Variants in RAB27B observed in about 807,000 individuals in gnomAD.
The protein encoded by RAB27B is RAB27B, member RAS oncogene family.
Under a neutral mutation model 24.6 loss-of-function variants are expected in RAB27B, and 15 were observed. The ratio of observed to expected loss-of-function variants is 0.61; its 90% CI spans 0.41 to 0.94. RAB27B has a LOEUF of 0.94. Ranked by LOEUF, RAB27B falls within the 40% of genes least tolerant of loss-of-function variation. RAB27B has a pLI of 0.00. For missense variants in RAB27B, 261 were observed against 266.8 expected, an observed-to-expected ratio of 0.98 and a Z score of 0.15; for synonymous variants, 105 against 92.5, an observed-to-expected ratio of 1.14 and a Z score of -0.78.
chr18:54,804,307 T>A (rs977707208), intron 2 of RAB27B, among the ~76,000 whole-genome samples: 5 of 152,174 alleles, frequency 3.3e-5, no homozygotes, highest in Admixed American at 2.0e-4. Context: ...AATTCCCACA[T>A]GTTGGTCAGG....
At chr18:54,814,183 G>A (rs1910052714) in intron 2 of RAB27B, among the ~76,000 whole-genome samples, 1 of 152,148 alleles carries the variant, frequency 6.6e-6, no homozygotes, top group African/African-American at 2.4e-5. Flanking sequence ...AACTCTCTCT[G>A]TAAAGGGCCA....
Position 54,839,952 on chromosome 18 carries a change from A to G in RAB27B, c.-20+11252A>G, listed in dbSNP as rs571120453. ...TATAAATAATAGTTGCTTTGTCATG[A>G]CACCTTATTAAGGAAGAAACAAAAG... On this transcript the variant is annotated intron_variant, in intron 1 of 5. Coordinates refer to ENST00000262094, the MANE Select transcript of RAB27B (RefSeq NM_004163.4). Among the ~76,000 whole-genome samples the G allele has an allele frequency of 2.6e-5, 4 of 152,308 alleles. No individual in the cohort carries two copies. The South Asian group carries it at 8.3e-4, about 32-fold the overall frequency.
intron 2 of RAB27B, among the ~76,000 whole-genome samples, chr18:54,722,625 A>G (rs1490518252): frequency 1.3e-5 from 2 of 152,162 alleles, no homozygotes; most frequent in Non-Finnish European, 2.9e-5. Flanking sequence ...AAATTTATGG[A>G]TAAAGAAGGT....
chr18:54,807,263 T>A (rs2145141992), intron 2 of RAB27B, among the ~76,000 whole-genome samples: 1 of 152,322 alleles, frequency 6.6e-6, no homozygotes. Context: ...CCTTTAGTTT[T>A]AATTTCAGTA....
chr18:54,866,944 A>G (rs891387046), intron 1 of RAB27B, among the ~76,000 whole-genome samples: 2 of 152,188 alleles, frequency 1.3e-5, no homozygotes, highest in African/African-American at 4.8e-5. Context: ...TCAGTGAAAC[A>G]GTCCTTCATC....
rs1913523914 is a variant in RAB27B, at chr18:54,895,261, A to G, written c.*5848A>G. 6.6e-6 allele frequency: 1 copy of G among 151,922 alleles called. No individual in the cohort carries two copies. The highest frequency in any genetic ancestry group is 1.5e-5 in the Non-Finnish European group (1 of 67,966). The allele number at this position is 151,922 out of a possible 1,614,324, so 9.4% of individuals were successfully genotyped here. On this transcript the variant is annotated 3_prime_UTR_variant, in exon 6 of 6. Coordinates refer to ENST00000262094, the MANE Select transcript of RAB27B (RefSeq NM_004163.4). ...ATTATTTTGTCTGTCTCCTATATAGATCTGTTTTGTCTAGTGCTATGAATG... is the reference window on the plus strand; with the variant it reads ...ATTATTTTGTCTGTCTCCTATATAGGTCTGTTTTGTCTAGTGCTATGAATG...
At chr18:54,858,377 G>GTTTTTTTTTTTTT (rs4071703) in intron 1 of RAB27B, among the ~76,000 whole-genome samples, 1 of 127,852 alleles carries the variant, frequency 7.8e-6, no homozygotes, top group African/African-American at 3.0e-5. Flanking sequence ...CAGGAAAACT[G>GTTTTTTTTTTTTT]TTTTTTTTTT....
upstream of RAB27B, among the ~76,000 whole-genome samples, chr18:54,827,294 T>C (rs1288462023): frequency 6.6e-6 from 1 of 152,140 alleles, no homozygotes; most frequent in Non-Finnish European, 1.5e-5. Context: ...GAACTTACTG[T>C]GCCAGGCACG....
chr18:54,738,305 C>G (rs935812413), intron 2 of RAB27B, among the ~76,000 whole-genome samples: 8 of 152,180 alleles, frequency 5.3e-5, no homozygotes, highest in African/African-American at 1.9e-4. Context: ...CGTGTCCCCA[C>G]CCAAATCTCA....
At chr18:54,734,946 T>C (rs1288219213) in intron 2 of RAB27B, among the ~76,000 whole-genome samples, 1 of 152,208 alleles carries the variant, frequency 6.6e-6, no homozygotes, top group African/African-American at 2.4e-5. Context: ...CATATGTGAA[T>C]AATTTTGTAT....
At chr18:54,755,200 G>A (rs1907963578) in intron 2 of RAB27B, among the ~76,000 whole-genome samples, 2 of 152,064 alleles carry the variant, frequency 1.3e-5, no homozygotes, top group South Asian at 4.2e-4. Flanking sequence ...GACCAGCCTG[G>A]CCAACACGAT....
chr18:54,826,490 A>G (rs1021140224), upstream of RAB27B, among the ~76,000 whole-genome samples: 2 of 152,136 alleles, frequency 1.3e-5, no homozygotes, highest in Admixed American at 1.3e-4. Context: ...GTCACTATGT[A>G]ACACTACTGA....
chr18:54,853,978 T>C (rs1194136426), intron 1 of RAB27B, among the ~76,000 whole-genome samples: 1 of 152,192 alleles, frequency 6.6e-6, no homozygotes, highest in Non-Finnish European at 1.5e-5. Flanking sequence ...AGATGAACAA[T>C]TTAATATTCC....
At chr18:54,790,338 C>A (rs773968486) in intron 2 of RAB27B, among the ~76,000 whole-genome samples, 4 of 152,094 alleles carry the variant, frequency 2.6e-5, no homozygotes, top group African/African-American at 4.8e-5. Flanking sequence ...AAACATTTTT[C>A]AAAATGAATG....
chr18:54,856,570 G>A (rs1480624894), intron 1 of RAB27B, among the ~76,000 whole-genome samples: 1 of 152,194 alleles, frequency 6.6e-6, no homozygotes, highest in South Asian at 2.1e-4. Flanking sequence ...CTTATTAGTT[G>A]CAGTGACCAT....
chr18:54,745,947 G>T (rs1910231276), intron 2 of RAB27B, among the ~76,000 whole-genome samples: 2 of 150,922 alleles, frequency 1.3e-5, no homozygotes, highest in South Asian at 2.1e-4. Context: ...ACTGCAGTCT[G>T]GTTGATGAAA....
intron 1 of RAB27B, among the ~76,000 whole-genome samples, chr18:54,868,272 T>TC (rs575931048): frequency 9.5e-4 from 144 of 152,182 alleles, no homozygotes; most frequent in African/African-American, 3.4e-3. Context: ...GTGTGGCACC[T>TC]CCCCCCTCAC....
At chr18:54,795,598 G>A (rs1024722441) in intron 2 of RAB27B, among the ~76,000 whole-genome samples, 12 of 152,198 alleles carry the variant, frequency 7.9e-5, no homozygotes, top group Non-Finnish European at 1.6e-4. Context: ...CATTTGGCTG[G>A]AAGTGATGAT....
intron 1 of RAB27B, among the ~76,000 whole-genome samples, chr18:54,849,010 CA>C (rs1176893025): frequency 6.6e-6 from 1 of 152,154 alleles, no homozygotes; most frequent in Non-Finnish European, 1.5e-5. Flanking sequence ...ATGGAGCCAT[CA>C]CCAGGCCAGC....
Sources: gnomAD v4.1 joint callset for allele counts (sites outside exome capture counted in the v4.1 genomes callset) on GRCh38, gnomAD v4.1.1 for gene constraint, MANE v1.5 for transcripts, NCBI Gene and HGNC (gene_info 2026-07-23, HGNC 2026-07-21) for gene names.